PAPOLA: variants seen among roughly 807,000 people sequenced by gnomAD.
PAPOLA encodes the protein poly(A) polymerase alpha.
Under a neutral mutation model 100.6 loss-of-function variants are expected in PAPOLA, and 15 were observed. That is an observed-to-expected ratio of 0.15 (90% CI 0.10 to 0.23). The LOEUF (loss-of-function observed/expected upper bound fraction) is 0.23, where lower values mean the gene tolerates loss of function less well. Among genes scored for constraint, PAPOLA ranks in the 10% least tolerant of loss-of-function variants. The probability of loss-of-function intolerance (pLI) is 1.00; values close to 1 mark genes in which losing one functional copy is unlikely to be tolerated. For missense variants in PAPOLA, 533 were observed against 884.2 expected (o/e 0.60, Z 5.04); for synonymous variants, 293 against 300.0 (o/e 0.98, Z 0.24).
chr14:96,557,434 T>C (rs549375225), intron 19 of PAPOLA, among the ~76,000 whole-genome samples: 12 of 152,366 alleles, frequency 7.9e-5, no homozygotes, highest in Non-Finnish European at 1.5e-4. Context: ...ATTGATTTCG[T>C]ATGAGTCTTA....
At chr14:96,523,755 T>C (rs1412523122) in intron 3 of PAPOLA, among the ~76,000 whole-genome samples, 4 of 152,256 alleles carry the variant, frequency 2.6e-5, no homozygotes, top group East Asian at 3.9e-4. Context: ...CAAGCCTGAC[T>C]AACATGGTGA....
In PAPOLA at chr14:96,525,294, T is replaced by A. The variant is rs1898367060; in HGVS notation, c.250-16T>A. On this transcript the variant is annotated splice_polypyrimidine_tract_variant and intron_variant, in intron 3 of 21. Coordinates refer to ENST00000216277, the MANE Select transcript of PAPOLA (RefSeq NM_032632.5). ...TTGTGCTCCACTGGCAAAATAACCA[T>A]TTTTTGTTTCAACAGAATCTTCCAC... 1 of 1,305,692 alleles carries A rather than the reference T, an allele frequency of 7.7e-7. No homozygotes were observed. Among genetic ancestry groups the A allele is most frequent in the East Asian group, 2.3e-5 (1 of 43,084 alleles). 80.9% of individuals were successfully genotyped at this position (1,305,692 alleles called of 1,614,324 possible). A position where few individuals can be genotyped will look rare whatever the true frequency, so the allele number is the denominator to read the frequency against.
chr14:96,560,353 T>C (rs1299516327), intron 19 of PAPOLA: 1 of 227,298 alleles, frequency 4.4e-6, no homozygotes, highest in East Asian at 1.0e-4. Flanking sequence ...TTTTTTTTTT[T>C]TCTTTTCCTT....
At chr14:96,563,876 G>A (rs139125144) in intron 21 of PAPOLA, among the ~76,000 whole-genome samples, 4 of 152,060 alleles carry the variant, frequency 2.6e-5, no homozygotes, top group Non-Finnish European at 2.9e-5. Context: ...GTGATTGCAT[G>A]TTTTTTGGTT....
intron 1 of PAPOLA, among the ~76,000 whole-genome samples, chr14:96,506,356 G>C (rs754207349): frequency 4.6e-5 from 7 of 152,204 alleles, no homozygotes; most frequent in African/African-American, 7.2e-5. Context: ...CTGGGGAGTA[G>C]AATGGTGGTT....
intron 19 of PAPOLA, among the ~76,000 whole-genome samples, chr14:96,560,025 T>C (rs1421650595): frequency 2.0e-5 from 3 of 152,136 alleles, no homozygotes. Flanking sequence ...CTGTATTAAA[T>C]CTCTTCTAAG....
At chr14:96,521,851 AC>A (rs907915738) in intron 3 of PAPOLA, among the ~76,000 whole-genome samples, 7 of 152,034 alleles carry the variant, frequency 4.6e-5, no homozygotes, top group African/African-American at 1.7e-4. Flanking sequence ...TCACTCTGTC[AC>A]CCAGGCTAGA....
intron 3 of PAPOLA, among the ~76,000 whole-genome samples, chr14:96,524,065 G>A (rs1898250071): frequency 6.6e-6 from 1 of 151,772 alleles, no homozygotes; most frequent in African/African-American, 2.4e-5. Flanking sequence ...GGGTTTTTTT[G>A]GAGTATGAAA....
chr14:96,534,724 T>A, intron 10 of PAPOLA, 161 bp downstream of exon 10: 1 of 1,442,044 alleles, frequency 6.9e-7, no homozygotes, highest in South Asian at 1.5e-5. Context: ...TCCTCAACTA[T>A]AATTGATGTG....
intron 13 of PAPOLA, 84 bp downstream of exon 13, chr14:96,542,380 A>G (rs1489543564): frequency 1.2e-6 from 1 of 812,796 alleles, no homozygotes; most frequent in Non-Finnish European, 2.1e-6. Flanking sequence ...GATGGGAGGA[A>G]GTCCTTAAAA....
chr14:96,539,635 CT>C (rs1239146265), intron 12 of PAPOLA, among the ~76,000 whole-genome samples: 3 of 152,082 alleles, frequency 2.0e-5, no homozygotes, highest in Non-Finnish European at 2.9e-5. Context: ...TGCATCAAGA[CT>C]TCAAAGTCTC....
At chr14:96,535,615 C>CT (rs1481902263) in intron 10 of PAPOLA, 17 of 1,089,078 alleles carry the variant, frequency 1.6e-5, no homozygotes, top group Non-Finnish European at 1.8e-5. Flanking sequence ...CCAAGCAGAA[C>CT]TTTTTTGTTG....
chr14:96,509,251 C>T (rs1274170404), intron 1 of PAPOLA, among the ~76,000 whole-genome samples: 1 of 152,164 alleles, frequency 6.6e-6, no homozygotes, highest in Non-Finnish European at 1.5e-5. Context: ...AGGCTGCTCT[C>T]AAACTCCCGG....
At chr14:96,559,298 T>G (rs1162116210) in intron 19 of PAPOLA, among the ~76,000 whole-genome samples, 1 of 151,896 alleles carries the variant, frequency 6.6e-6, no homozygotes. Flanking sequence ...TTTGAAGCCC[T>G]TCTTAATTGG....
chr14:96,527,189 T>C (rs1898564617), intron 4 of PAPOLA: 1 of 462,914 alleles, frequency 2.2e-6, no homozygotes, highest in Admixed American at 3.9e-5. Flanking sequence ...GCCATCTTTC[T>C]TTGGGCTCCC....
chr14:96,552,728 C>T, intron 17 of PAPOLA, 106 bp downstream of exon 17: 1 of 1,067,092 alleles, frequency 9.4e-7, no homozygotes, highest in South Asian at 2.0e-5. Flanking sequence ...TATTTTCATT[C>T]CATCTACTAA....
chr14:96,513,672 A>G (rs1170797535), intron 1 of PAPOLA, among the ~76,000 whole-genome samples: 1 of 152,140 alleles, frequency 6.6e-6, no homozygotes, highest in East Asian at 1.9e-4. Context: ...CTTACCACAT[A>G]TATTAAATTT....
At chr14:96,557,226 T>G (rs1901415890) in intron 19 of PAPOLA, among the ~76,000 whole-genome samples, 2 of 152,110 alleles carry the variant, frequency 1.3e-5, no homozygotes, top group Non-Finnish European at 2.9e-5. Flanking sequence ...AAAAAAAGAT[T>G]TTTTTGTAAA....
At chr14:96,547,385 A>G (rs1900477082) in intron 15 of PAPOLA, among the ~76,000 whole-genome samples, 1 of 152,158 alleles carries the variant, frequency 6.6e-6, no homozygotes, top group African/African-American at 2.4e-5. Context: ...AGATACCTTT[A>G]GGTATAGTTT....
Sources: gnomAD v4.1 joint callset for allele counts (sites outside exome capture counted in the v4.1 genomes callset) on GRCh38, gnomAD v4.1.1 for gene constraint, MANE v1.5 for transcripts, NCBI Gene and HGNC (gene_info 2026-07-23, HGNC 2026-07-21) for gene names.